The following PHC3 variants were observed in gnomAD, a reference collection of about 807,000 sequenced individuals.
PHC3 encodes the protein polyhomeotic-like protein 3.
PHC3 carries 13 observed loss-of-function variants against 107.4 expected under a neutral mutation model. The observed-to-expected ratio is 0.12, with a 90% confidence interval of 0.08 to 0.19. PHC3 has a LOEUF of 0.19. Ranked by LOEUF, PHC3 falls within the 10% of genes least tolerant of loss-of-function variation. PHC3 has a pLI of 1.00. For synonymous variants in PHC3, 456 were observed against 427.4 expected, an observed-to-expected ratio of 1.07 and a Z score of -0.83; for missense variants, 992 against 1,210.9, an observed-to-expected ratio of 0.82 and a Z score of 2.68.
chr3:170,178,535 G>T (rs1393742993), intron 2 of PHC3, among the ~76,000 whole-genome samples: 1 of 152,212 alleles, frequency 6.6e-6, no homozygotes, highest in East Asian at 1.9e-4. Flanking sequence ...TGAGATGCCA[G>T]CTCCTTCATA....
intron 11 of PHC3, among the ~76,000 whole-genome samples, chr3:170,112,292 C>T (rs1004409072): frequency 6.6e-6 from 1 of 151,910 alleles, no homozygotes; most frequent in African/African-American, 2.4e-5. Context: ...CTCACTGCAA[C>T]TTCCGACTCC....
At chr3:170,138,916 C>G (rs1376991377) in intron 6 of PHC3, among the ~76,000 whole-genome samples, 1 of 152,044 alleles carries the variant, frequency 6.6e-6, no homozygotes, top group Non-Finnish European at 1.5e-5. Flanking sequence ...CACTTCTTGA[C>G]TAAATGCCAT....
Position 170,129,519 on chromosome 3 carries a change from A to G in PHC3, c.953T>C (p.Ile318Thr), listed in dbSNP as rs1560066568. The G allele has an allele frequency of 3.7e-6, 6 of 1,613,784 alleles. No individual in the cohort carries two copies. The East Asian group carries it at 1.3e-4, about 36-fold the overall frequency. Reference protein sequence around the residue: ...SYSPIQPHSLIKHQQIPLHSP... With the variant: ...SYSPIQPHSLTKHQQIPLHSP... ...ATGAAGAGGAATCTGCTGATGTTTTATTAGAGAATGAGGCTGAATTGGAGA... is the reference window on the plus strand; with the variant it reads ...ATGAAGAGGAATCTGCTGATGTTTTGTTAGAGAATGAGGCTGAATTGGAGA... The change falls in exon 8 of 15, where the codon ATA becomes ACA. Residue 318 changes from isoleucine to threonine, a missense_variant. Around this residue, in one of 6 missense-constraint regions of PHC3, gnomAD observed 543 missense variants for 590.8 expected, o/e 0.92. Coordinates refer to ENST00000495893, the MANE Select transcript of PHC3 (RefSeq NM_024947.4).
intron 11 of PHC3, among the ~76,000 whole-genome samples, chr3:170,108,731 T>C (rs1007596755): frequency 1.3e-5 from 2 of 152,170 alleles, no homozygotes; most frequent in Admixed American, 6.5e-5. Context: ...GAGAAGCCTA[T>C]AGGGAGACAG....
intron 7 of PHC3, among the ~76,000 whole-genome samples, chr3:170,133,461 G>A (rs1722580034): frequency 6.6e-6 from 1 of 152,176 alleles, no homozygotes; most frequent in Non-Finnish European, 1.5e-5. Flanking sequence ...ACAGGCGTGA[G>A]CCACCGTGCC....
intron 4 of PHC3, among the ~76,000 whole-genome samples, chr3:170,157,353 G>C (rs1221541037): frequency 6.6e-6 from 1 of 152,216 alleles, no homozygotes; most frequent in Non-Finnish European, 1.5e-5. Flanking sequence ...GAGGGGTATG[G>C]AACCAACTAA....
rs1719243071 is a variant in PHC3 at position 170,117,468 on chromosome 3, C to T, written c.1951G>A (p.Glu651Lys). Reference protein sequence around the residue: ...TSEHPLLEQVELPAVASVSAS... With the variant: ...TSEHPLLEQVKLPAVASVSAS... ...CTGACTGATGCCACAGCAGGTAATT[C>T]CACTTGCTCTGAAAAAAAAACCAAA... The change falls in exon 10 of 15, where the codon GAA (glutamate) becomes AAA (lysine). Residue 651 changes from glutamate to lysine, a missense_variant. Around this residue, in one of 6 missense-constraint regions of PHC3, gnomAD observed 543 missense variants for 590.8 expected, o/e 0.92. Coordinates refer to ENST00000495893, the MANE Select transcript of PHC3 (RefSeq NM_024947.4). 2.5e-6 allele frequency: 4 copies of T among 1,588,292 alleles called. No homozygotes were observed. The highest frequency in any genetic ancestry group is 3.4e-6 in the Non-Finnish European group (4 of 1,170,268).
In PHC3 at chr3:170,129,492, G is replaced by A. The variant is rs1366466653; in HGVS notation, c.980C>T (p.Ser327Leu). Residue 327 changes from serine to leucine, a missense_variant, in exon 8 of 15, where the codon TCA becomes TTA. By Grantham distance (145) the Ser-to-Leu change is moderately radical. Transcript: ENST00000495893. ...ATGATGGGAAACTTTGGAAGGTGGT[G>A]AATGAAGAGGAATCTGCTGATGTTT... ...LIKHQQIPLH[S>L]PPSKVSHHQL... The A allele has an allele frequency of 6.2e-7, 1 of 1,613,728 alleles. No homozygotes were observed. The highest frequency in any genetic ancestry group is 2.2e-5 in the East Asian group (1 of 44,878).
chr3:170,166,701 G>A (rs750045407), intron 4 of PHC3, among the ~76,000 whole-genome samples: 4 of 151,988 alleles, frequency 2.6e-5, no homozygotes, highest in Non-Finnish European at 4.4e-5. Context: ...GCCTCATACT[G>A]TTGCCCAGGC....
At chr3:170,099,141 T>C (rs572062848) in intron 14 of PHC3, among the ~76,000 whole-genome samples, 2 of 152,170 alleles carry the variant, frequency 1.3e-5, no homozygotes, top group Admixed American at 6.6e-5. Flanking sequence ...AAGAGCTACA[T>C]TTGGGAATAG....
In PHC3 at chr3:170,111,316, AGG is replaced by A. The variant is rs1717658331; in HGVS notation, c.2353+2042_2353+2043del. On this transcript the variant is annotated intron_variant, in intron 11 of 14. Coordinates refer to ENST00000495893, the MANE Select transcript of PHC3 (RefSeq NM_024947.4). Reference sequence around the variant, plus strand: ...AAGGAAGGAAGGAAGGAAGGAAGGAAGGAACGAACGAACGAAAGAACAAAAGA... The same window carrying A: ...AAGGAAGGAAGGAAGGAAGGAAGGAAAACGAACGAACGAAAGAACAAAAGA... 1.6e-5 allele frequency among the ~76,000 whole-genome samples: 2 copies of A among 122,222 alleles called. 1 individual carries two copies. The highest frequency in any genetic ancestry group is 5.8e-5 in the African/African-American group (2 of 34,702). 80.2% of individuals were successfully genotyped at this position (122,222 alleles called of 152,430 possible).
intron 4 of PHC3, among the ~76,000 whole-genome samples, chr3:170,159,741 C>T (rs1315546907): frequency 1.3e-5 from 2 of 152,030 alleles, no homozygotes; most frequent in Non-Finnish European, 2.9e-5. Context: ...AAATAAAAAA[C>T]TAAAGCAAAC....
intron 1 of PHC3, among the ~76,000 whole-genome samples, 188 bp from the exon 2 acceptor site, chr3:170,179,126 A>G (rs1440842064): frequency 6.6e-6 from 1 of 152,236 alleles, no homozygotes; most frequent in Non-Finnish European, 1.5e-5. Flanking sequence ...GAGCATATTT[A>G]ATAGTTAATA....
At chr3:170,171,942 A>G (rs1363924573) in intron 3 of PHC3, among the ~76,000 whole-genome samples, 1 of 152,238 alleles carries the variant, frequency 6.6e-6, no homozygotes, top group African/African-American at 2.4e-5. Flanking sequence ...AATCTTACAC[A>G]GCTTTATTTA....
chr3:170,091,961 T>C lies in PHC3; in HGVS notation c.*5269A>G, dbSNP rs1714143204. ...GAACAAAACTATATGATACATTTTA[T>C]GAACTTCTAATAAAAGAGGACGTAT... On this transcript the variant is annotated 3_prime_UTR_variant, in exon 15 of 15. Coordinates refer to ENST00000495893, the MANE Select transcript of PHC3 (RefSeq NM_024947.4). 1 of 152,206 alleles carries C rather than the reference T, an allele frequency of 6.6e-6. No homozygotes were observed. Among genetic ancestry groups the C allele is most frequent in the Non-Finnish European group, 1.5e-5 (1 of 68,026 alleles). The allele number at this position is 152,206 out of a possible 1,614,324, so 9.4% of individuals were successfully genotyped here.
intron 3 of PHC3, among the ~76,000 whole-genome samples, chr3:170,172,143 A>G (rs1729691253): frequency 1.3e-5 from 2 of 151,642 alleles, no homozygotes; most frequent in South Asian, 4.1e-4. Flanking sequence ...AGTGATAGAC[A>G]GGGAAAAGGA....
At chr3:170,136,172 C>G (rs1723039737) in intron 7 of PHC3, among the ~76,000 whole-genome samples, 1 of 151,912 alleles carries the variant, frequency 6.6e-6, no homozygotes, top group Non-Finnish European at 1.5e-5. Context: ...AAGGAGAGAC[C>G]AGTGCTTAAA....
intron 2 of PHC3, among the ~76,000 whole-genome samples, chr3:170,175,104 C>T (rs1730212035): frequency 6.6e-6 from 1 of 152,074 alleles, no homozygotes; most frequent in Non-Finnish European, 1.5e-5. Context: ...ATTATAAATT[C>T]TTATTCACCC....
intron 12 of PHC3, 139 bp downstream of exon 12, chr3:170,106,693 T>C (rs1716586165): frequency 2.0e-6 from 1 of 491,820 alleles, no homozygotes; most frequent in Non-Finnish European, 3.5e-6. Context: ...TTCTTCTATA[T>C]AATAATATCT....
Sources: allele counts gnomAD v4.1 joint callset (sites outside exome capture counted in the v4.1 genomes callset), GRCh38; gene constraint gnomAD v4.1.1; regional missense constraint gnomAD v4.1.1; transcripts MANE v1.5; gene names NCBI Gene and HGNC (gene_info 2026-07-23, HGNC 2026-07-21).